NAV2: variants seen among roughly 807,000 people sequenced by gnomAD.
NAV2 encodes neuron navigator 2, also known as helicase, APC down-regulated 1.
In NAV2, 54 loss-of-function variants were observed where a neutral mutation model predicts 223.2. The ratio of observed to expected loss-of-function variants is 0.24; its 90% CI spans 0.19 to 0.30. NAV2 has a LOEUF of 0.30. NAV2 is among the 10% of genes least tolerant of loss of function. The pLI is 1.00. For missense variants in NAV2, 2,806 were observed against 3,147.5 expected (o/e 0.89, Z 2.60); for synonymous variants, 1,279 against 1,239.3 (o/e 1.03, Z -0.67).
intron 3 of NAV2, among the ~76,000 whole-genome samples, chr11:19,867,373 A>G (rs1429701298): frequency 2.0e-5 from 3 of 152,190 alleles, no homozygotes; most frequent in Admixed American, 1.3e-4. Context: ...GACCTGTGTA[A>G]TCTTGGTCAG....
At chr11:19,450,291 G>T (rs531633376) in intron 1 of NAV2, among the ~76,000 whole-genome samples, 75 of 152,256 alleles carry the variant, frequency 4.9e-4, no homozygotes, top group African/African-American at 1.8e-3. Flanking sequence ...CTTAAAATCA[G>T]CAGTATTCAG....
intron 1 of NAV2, among the ~76,000 whole-genome samples, chr11:19,813,548 G>A (rs1420535349): frequency 5.9e-5 from 9 of 152,204 alleles, no homozygotes; most frequent in Admixed American, 5.9e-4. Flanking sequence ...AAGAATTGCA[G>A]CAGTTTGGAG....
intron 1 of NAV2, among the ~76,000 whole-genome samples, chr11:19,720,909 A>G (rs1274855540): frequency 2.6e-5 from 4 of 152,322 alleles, no homozygotes; most frequent in Middle Eastern, 3.4e-3. Context: ...TCACCTATAA[A>G]ATGGAGAAGA....
intron 1 of NAV2, among the ~76,000 whole-genome samples, chr11:19,737,821 G>A (rs1002939991): frequency 6.6e-6 from 1 of 152,200 alleles, no homozygotes; most frequent in Non-Finnish European, 1.5e-5. Context: ...CAGATCCAAC[G>A]CAGCTGATCC....
At chr11:19,848,380 G>A (rs919346986) in intron 3 of NAV2, among the ~76,000 whole-genome samples, 4 of 152,220 alleles carry the variant, frequency 2.6e-5, no homozygotes, top group East Asian at 1.9e-4. Flanking sequence ...GAGATGCAGC[G>A]GGATGTAGCC....
At chr11:19,461,912 T>C (rs964975882) in intron 1 of NAV2, among the ~76,000 whole-genome samples, 11 of 152,272 alleles carry the variant, frequency 7.2e-5, no homozygotes, top group African/African-American at 2.6e-4. Flanking sequence ...TTCCAGCAAT[T>C]CTCCTGCCTC....
At position 20,078,072 on chromosome 11, in the gene NAV2, G is replaced by A. The variant is rs765296235; in HGVS notation, c.5147G>A (p.Gly1716Glu). The A allele has an allele frequency of 5.6e-6, 9 of 1,613,390 alleles. No homozygotes were observed. The South Asian group carries it at 8.8e-5, about 16-fold the overall frequency. Residue 1716 changes from glycine (G) to glutamate (E), a missense_variant, in exon 24 of 38, where the codon GGA becomes GAA. By Grantham distance (98) the Gly-to-Glu change is moderately conservative (BLOSUM62 -2). Transcript: ENST00000349880. Reference protein sequence around the residue: ...QNAAAQAAINGVINTPELNCK... With the variant: ...QNAAAQAAINEVINTPELNCK... ...GCAGCTGCCCAGGCTGCCATTAATG[G>A]AGTAATTAACACACCTGAGCTCAAC... is the stretch of plus-strand genomic sequence containing the variant.
intron 1 of NAV2, among the ~76,000 whole-genome samples, chr11:19,584,575 T>G (rs910105109): frequency 3.5e-4 from 54 of 152,244 alleles, no homozygotes; most frequent in Non-Finnish European, 5.3e-4. Context: ...TCTGGTATGT[T>G]GTGTCTTTGT....
intron 1 of NAV2, among the ~76,000 whole-genome samples, chr11:19,439,522 A>G (rs1342953763): frequency 6.6e-6 from 1 of 152,168 alleles, no homozygotes; most frequent in African/African-American, 2.4e-5. Context: ...GTACCCCTGA[A>G]TTTAAAAGTT....
intron 1 of NAV2, among the ~76,000 whole-genome samples, chr11:19,433,220 G>T (rs1167776274): frequency 6.6e-6 from 1 of 152,148 alleles, no homozygotes; most frequent in Non-Finnish European, 1.5e-5. Flanking sequence ...ACTGAAAAAT[G>T]GAATGTTTGT....
intron 6 of NAV2, among the ~76,000 whole-genome samples, chr11:19,925,817 A>G (rs2153232837): frequency 6.6e-6 from 1 of 151,902 alleles, no homozygotes; most frequent in South Asian, 2.1e-4. Context: ...TTCCACCACC[A>G]TTTATTGAAA....
chr11:19,485,292 C>G (rs888263197), intron 1 of NAV2, among the ~76,000 whole-genome samples: 2 of 152,196 alleles, frequency 1.3e-5, no homozygotes, highest in African/African-American at 4.8e-5. Context: ...ATCCAAGGCT[C>G]TGTCTAGCCC....
intron 1 of NAV2, among the ~76,000 whole-genome samples, chr11:19,599,600 G>C (rs1453726431): frequency 6.6e-6 from 1 of 152,218 alleles, no homozygotes; most frequent in Non-Finnish European, 1.5e-5. Context: ...TCATCAAACT[G>C]TACCTTGGTT....
intron 1 of NAV2, among the ~76,000 whole-genome samples, chr11:19,378,179 G>A (rs1024367188): frequency 6.6e-6 from 1 of 152,186 alleles, no homozygotes; most frequent in African/African-American, 2.4e-5. Context: ...CGCTTCTGCT[G>A]TCACAGCCCC....
chr11:19,713,203 T>C lies in NAV2; in HGVS notation c.-493T>C. The stretch of plus-strand genomic sequence containing the variant: ...CTTCTCTCCTTCCTTCGCTGCTGTC[T>C]CCTTTCCTTCCTTGGCTGCTCGCTC... On this transcript the variant is annotated 5_prime_UTR_variant, in exon 1 of 38. Coordinates refer to ENST00000349880, the MANE Select transcript of NAV2 (RefSeq NM_145117.5). This position sits in a 1 kb window ranked among gnomAD's most constrained non-coding sequence, Gnocchi z 7.2. 8.8e-6 allele frequency: 5 copies of C among 566,854 alleles called. No homozygotes were observed. The highest frequency in any genetic ancestry group is 1.1e-5 in the Non-Finnish European group (5 of 447,188). The allele number at this position is 566,854 out of a possible 1,614,324, so 35.1% of individuals were successfully genotyped here.
rs1188899113 is a variant in NAV2, at chr11:20,045,341, G to C, written c.3573G>C (p.Arg1191=). ...ALSSRTNLQY[R]SLPRPSKSNS... ...GCTCCCGGACAAACCTTCAGTACCG[G>C]AGTTTGCCGAGGCCCAGTAAGTCCA... is the stretch of plus-strand genomic sequence containing the variant. Residue 1191 remains arginine, a synonymous_variant, in exon 14 of 38, where the codon CGG becomes CGC. Coordinates refer to ENST00000349880, the MANE Select transcript of NAV2 (RefSeq NM_145117.5). The C allele has an allele frequency of 6.2e-7, 1 of 1,614,066 alleles. No individual in the cohort carries two copies. Among genetic ancestry groups the C allele is most frequent in the Non-Finnish European group, 8.5e-7 (1 of 1,180,028 alleles).
In NAV2 at chr11:19,895,323, C is replaced by T. The variant is rs111486027; in HGVS notation, c.931+2729C>T. On this transcript the variant is annotated intron_variant, in intron 6 of 37. Transcript: ENST00000349880. ...CAGATCACTACAAAAGTGATCTGCC[C>T]GCCTCGGCCTGCCAAAGTGCTAGGA... 3.7e-3 allele frequency among the ~76,000 whole-genome samples: 570 copies of T among 152,068 alleles called. 3 individuals are homozygous for T. The highest frequency in any genetic ancestry group is 6.1e-3 in the Non-Finnish European group (414 of 67,960).
intron 1 of NAV2, among the ~76,000 whole-genome samples, chr11:19,474,924 C>T (rs891520364): frequency 1.1e-4 from 16 of 152,206 alleles, no homozygotes; most frequent in Non-Finnish European, 1.9e-4. Context: ...GGCTGAGACG[C>T]GGTAAGCTTT....
chr11:20,002,348 G>A (rs1475776230), intron 11 of NAV2, among the ~76,000 whole-genome samples: 1 of 152,170 alleles, frequency 6.6e-6, no homozygotes, highest in African/African-American at 2.4e-5. Flanking sequence ...GAGGCCTGGA[G>A]TGGAGCCTTT....
Sources: allele counts gnomAD v4.1 joint callset (sites outside exome capture counted in the v4.1 genomes callset), GRCh38; gene constraint gnomAD v4.1.1; non-coding constraint Gnocchi (gnomAD v3.1); transcripts MANE v1.5; gene names NCBI Gene and HGNC (gene_info 2026-07-23, HGNC 2026-07-21).